Variants in HHIPL2 observed in about 807,000 individuals in gnomAD.
The protein encoded by HHIPL2 is HHIP-like protein 2.
HHIPL2 carries 61 observed loss-of-function variants against 61.0 expected under a neutral mutation model. That is an observed-to-expected ratio of 1.00 (90% CI 0.81 to 1.24). The LOEUF (loss-of-function observed/expected upper bound fraction) is 1.24. Among genes scored for constraint, HHIPL2 ranks in the 50% most tolerant of loss-of-function variants. The probability of loss-of-function intolerance (pLI) is 0.00; values close to 1 mark genes in which losing one functional copy is unlikely to be tolerated. For synonymous variants in HHIPL2, 343 were observed against 357.4 expected, an observed-to-expected ratio of 0.96 and a Z score of 0.45; for missense variants, 885 against 910.2, an observed-to-expected ratio of 0.97 and a Z score of 0.36.
At chr1:222,528,332 C>T (rs1159122558) in intron 6 of HHIPL2, among the ~76,000 whole-genome samples, 2 of 152,202 alleles carry the variant, frequency 1.3e-5, no homozygotes, top group Non-Finnish European at 2.9e-5. Context: ...CCAGGCCGGG[C>T]GCGGTAGCTC....
intron 7 of HHIPL2, among the ~76,000 whole-genome samples, chr1:222,525,922 C>G (rs1414695136): frequency 1.3e-5 from 2 of 151,940 alleles, no homozygotes; most frequent in African/African-American, 4.8e-5. Flanking sequence ...TAGCTTGAAC[C>G]CAGGAGGCAG....
intron 5 of HHIPL2, among the ~76,000 whole-genome samples, chr1:222,533,861 T>C (rs1558128649): frequency 6.6e-6 from 1 of 152,246 alleles, no homozygotes; most frequent in East Asian, 1.9e-4. Context: ...CAGTAAGAGA[T>C]TGCAGGACAG....
At chr1:222,530,011 A>T (rs72736115) in intron 6 of HHIPL2, among the ~76,000 whole-genome samples, 12,285 of 152,266 alleles carry the variant, frequency 0.081, 709 homozygotes, top group Non-Finnish European at 0.12. Context: ...ACACAAGAGC[A>T]AGCAACTCTG....
At chr1:222,546,212 G>A (rs542493124) in intron 1 of HHIPL2, among the ~76,000 whole-genome samples, 69 of 152,296 alleles carry the variant, frequency 4.5e-4, no homozygotes, top group African/African-American at 1.4e-3. Context: ...TCAGAAAACC[G>A]TTAAGTAAAC....
rs1419742975 is a variant in HHIPL2 at position 222,522,898 on chromosome 1, A to G, written c.1889-11T>C. ...AGTCCAAGACTGTCTCTGAGAAATC[A>G]GTATTTATTTAGTGAAAAATATAAG... is the stretch of plus-strand genomic sequence containing the variant. On this transcript the variant is annotated splice_polypyrimidine_tract_variant and intron_variant, in intron 8 of 8. Transcript: ENST00000343410. 1 of 1,609,500 alleles carries G rather than the reference A, an allele frequency of 6.2e-7. No homozygotes were observed.
In HHIPL2 at chr1:222,543,612, T is replaced by C. The variant is rs1369741879; in HGVS notation, c.899A>G (p.Lys300Arg). The change falls in exon 2 of 9, where the codon AAG becomes AGG. Residue 300 changes from lysine to arginine, a missense_variant. Lys to Arg is a conservative substitution (Grantham distance 26). Coordinates refer to ENST00000343410, the MANE Select transcript of HHIPL2 (RefSeq NM_024746.4). ...CTCACTAATTCGGATCTTTTCTACC[T>C]TCTTCTTGTCCAGGCACGAATAATA... Reference protein sequence around the residue: ...YIYYSCLDKKKVEKIRISEMK... With the variant: ...YIYYSCLDKKRVEKIRISEMK... 2 of 1,614,168 alleles carry C rather than the reference T, an allele frequency of 1.2e-6. No homozygotes were observed. Among genetic ancestry groups the C allele is most frequent in the Non-Finnish European group, 1.7e-6 (2 of 1,180,024 alleles).
Position 222,547,750 on chromosome 1 carries a change from C to T in HHIPL2, c.295G>A (p.Asp99Asn). 6.2e-7 allele frequency: 1 copy of T among 1,613,906 alleles called. No individual in the cohort carries two copies. The highest frequency in any genetic ancestry group is 8.5e-7 in the Non-Finnish European group (1 of 1,179,796). ...TGGCAAAGGATGTCTTTAATGTAAT[C>T]TCCACACAGCTCATGTCTCTTCAGA... Reference protein sequence around the residue: ...FDLKRHELCGDYIKDILCQEC... With the variant: ...FDLKRHELCGNYIKDILCQEC... Residue 99 changes from aspartate to asparagine, a missense_variant, in exon 1 of 9, where the codon GAT becomes AAT. Asp to Asn is a conservative substitution (Grantham distance 23). Transcript: ENST00000343410.
chr1:222,540,406 T>C, intron 3 of HHIPL2, 65 bp from the exon 4 acceptor site: 1 of 1,392,498 alleles, frequency 7.2e-7, no homozygotes, highest in Non-Finnish European at 9.9e-7. Flanking sequence ...CTGGAAGAGA[T>C]CGCCCAGAAG....
intron 6 of HHIPL2, among the ~76,000 whole-genome samples, chr1:222,530,738 T>G (rs912061310): frequency 2.2e-5 from 3 of 137,000 alleles, no homozygotes; most frequent in African/African-American, 8.6e-5. Flanking sequence ...TTTTTTAAAT[T>G]TTTTCTTTTC....
intron 5 of HHIPL2, 101 bp from the exon 6 acceptor site, chr1:222,532,212 C>A: frequency 9.4e-7 from 1 of 1,060,298 alleles, no homozygotes; most frequent in Non-Finnish European, 1.3e-6. Flanking sequence ...AGGACTGAGT[C>A]CCCCATTAAG....
chr1:222,526,048 C>T (rs1280024352), intron 7 of HHIPL2, among the ~76,000 whole-genome samples: 2 of 151,838 alleles, frequency 1.3e-5, no homozygotes, highest in African/African-American at 4.8e-5. Context: ...GTGCACTGCC[C>T]AGACTCCTCA....
At chr1:222,529,941 A>G (rs1377234920) in intron 6 of HHIPL2, among the ~76,000 whole-genome samples, 1 of 152,228 alleles carries the variant, frequency 6.6e-6, no homozygotes, top group East Asian at 1.9e-4. Flanking sequence ...AGATCTAAAA[A>G]TGCCTCTCAG....
intron 5 of HHIPL2, among the ~76,000 whole-genome samples, chr1:222,536,663 A>G (rs945576949): frequency 4.6e-5 from 7 of 152,232 alleles, no homozygotes; most frequent in Admixed American, 3.3e-4. Context: ...TGACAAATAT[A>G]TTACAAGAAA....
chr1:222,547,440 T>C (rs1659577832), intron 1 of HHIPL2, among the ~76,000 whole-genome samples: 1 of 152,156 alleles, frequency 6.6e-6, no homozygotes, highest in Non-Finnish European at 1.5e-5. Context: ...TGGCAAATAA[T>C]GGCTGCTCTG....
intron 6 of HHIPL2, 54 bp downstream of exon 6, chr1:222,531,912 G>A: frequency 3.3e-6 from 5 of 1,511,576 alleles, no homozygotes; most frequent in Non-Finnish European, 4.5e-6. Context: ...GTTGATGCCT[G>A]TGATTATCCG....
At chr1:222,541,986 A>G (rs1659441671) in intron 3 of HHIPL2, 26 bp downstream of exon 3, 2 of 1,584,904 alleles carry the variant, frequency 1.3e-6, no homozygotes, top group Non-Finnish European at 1.7e-6. Flanking sequence ...CTGAAGGGAC[A>G]AGGGCCCGGC....
chr1:222,537,604 C>T (rs1475956953), intron 5 of HHIPL2, among the ~76,000 whole-genome samples: 2 of 150,560 alleles, frequency 1.3e-5, no homozygotes, highest in African/African-American at 2.4e-5. Context: ...TGCACTCCAG[C>T]CTGGCCGACA....
chr1:222,547,767 C>G lies in HHIPL2; in HGVS notation c.278G>C (p.Arg93Thr), dbSNP rs909399410. 2 of 1,614,192 alleles carry G rather than the reference C, an allele frequency of 1.2e-6. No individual in the cohort carries two copies. The highest frequency in any genetic ancestry group is 2.7e-5 in the African/African-American group (2 of 75,064). ...WDIMEYFDLK[R>T]HELCGDYIKD... ...AATGTAATCTCCACACAGCTCATGT[C>G]TCTTCAGATCAAAATATTCCATGAT... The change falls in exon 1 of 9, where the codon AGA (arginine) becomes ACA (threonine). Residue 93 changes from arginine to threonine, a missense_variant. Arg to Thr is a moderately conservative substitution (Grantham distance 71, BLOSUM62 -1). Coordinates refer to ENST00000343410, the MANE Select transcript of HHIPL2 (RefSeq NM_024746.4).
At position 222,538,687 on chromosome 1, in the gene HHIPL2, T is replaced by C. The variant is rs1422463688; in HGVS notation, c.1538A>G (p.Asn513Ser). The C allele has an allele frequency of 6.2e-7, 1 of 1,613,704 alleles. No homozygotes were observed. Among genetic ancestry groups the C allele is most frequent in the African/African-American group, 1.3e-5 (1 of 74,904 alleles). Reference protein sequence around the residue: ...GYVYRGCESPNLNGLYIFGDF... With the variant: ...GYVYRGCESPSLNGLYIFGDF... The stretch of plus-strand genomic sequence containing the variant: ...TCCAAAGATATACAGGCCATTGAGA[T>C]TTGGGGATTCACAACCACGATAGAC... Residue 513 changes from asparagine to serine, a missense_variant, in exon 5 of 9, where the codon AAT becomes AGT. Coordinates refer to ENST00000343410, the MANE Select transcript of HHIPL2 (RefSeq NM_024746.4).
Sources: gnomAD v4.1 joint callset for allele counts (sites outside exome capture counted in the v4.1 genomes callset) on GRCh38, gnomAD v4.1.1 for gene constraint, MANE v1.5 for transcripts, NCBI Gene and HGNC (gene_info 2026-07-23, HGNC 2026-07-21) for gene names.